The following TEX9 variants were observed in gnomAD, a reference collection of about 807,000 sequenced individuals.
The protein encoded by TEX9 is testis expressed 9, also known as testis-expressed protein 9.
A neutral mutation model predicts 59.6 loss-of-function variants in TEX9; 74 were observed. The ratio of observed to expected loss-of-function variants is 1.24; its 90% confidence interval spans 1.03 to 1.51. The LOEUF (loss-of-function observed/expected upper bound fraction) is 1.51. Among genes scored for constraint, TEX9 ranks in the 40% most tolerant of loss-of-function variants. The pLI, the probability that TEX9 is intolerant of heterozygous loss-of-function variation, is 0.00. For missense variants in TEX9, 522 were observed against 447.8 expected (o/e 1.17, Z -1.49); for synonymous variants, 186 against 152.2 (o/e 1.22, Z -1.64).
chr15:56,399,328 G>T (rs779401229), intron 9 of TEX9, among the ~76,000 whole-genome samples: 1 of 152,256 alleles, frequency 6.6e-6, no homozygotes, highest in Non-Finnish European at 1.5e-5. Context: ...GGCTTGGCGG[G>T]TCACACACCC....
intron 9 of TEX9, among the ~76,000 whole-genome samples, chr15:56,401,235 C>G (rs1477350479): frequency 1.4e-5 from 2 of 146,792 alleles, no homozygotes. Context: ...TTCAGGAGAC[C>G]CATCTCATGT....
intron 1 of TEX9, among the ~76,000 whole-genome samples, chr15:56,317,740 A>T (rs1176687846): frequency 6.6e-6 from 1 of 152,168 alleles, no homozygotes; most frequent in African/African-American, 2.4e-5. Context: ...GGTATTTCCT[A>T]ATTTCCCTTG....
At chr15:56,441,556 A>G (rs183174026) in intron 12 of TEX9, among the ~76,000 whole-genome samples, 2 of 152,338 alleles carry the variant, frequency 1.3e-5, no homozygotes, top group East Asian at 3.9e-4. Context: ...AAAATTGACA[A>G]GTGGGACCTA....
intron 5 of TEX9, among the ~76,000 whole-genome samples, chr15:56,388,752 G>T (rs1220431682): frequency 1.3e-5 from 2 of 151,952 alleles, no homozygotes; most frequent in African/African-American, 4.8e-5. Context: ...AATGTTAGGT[G>T]AAATGACTTT....
chr15:56,384,403 A>G (rs1355268462), intron 4 of TEX9, among the ~76,000 whole-genome samples: 1 of 152,168 alleles, frequency 6.6e-6, no homozygotes, highest in African/African-American at 2.4e-5. Flanking sequence ...CCAAGCCAAA[A>G]CAGACAAAAA....
At chr15:56,339,858 T>A (rs1191596417) in intron 1 of TEX9, among the ~76,000 whole-genome samples, 1 of 152,000 alleles carries the variant, frequency 6.6e-6, no homozygotes, top group Non-Finnish European at 1.5e-5. Context: ...AAAAGATGAC[T>A]GTCTCTAAAC....
the TEX9 span, among the ~76,000 whole-genome samples, chr15:56,452,799 T>C: frequency 2.0e-5 from 3 of 152,144 alleles, no homozygotes; most frequent in East Asian, 5.8e-4. Context: ...ATTACAGGCA[T>C]GAGCCACCGC....
chr15:56,423,078 T>C (rs530321106), intron 10 of TEX9, among the ~76,000 whole-genome samples: 49 of 152,276 alleles, frequency 3.2e-4, no homozygotes, highest in Non-Finnish European at 6.0e-4. Context: ...CCCAACCTTT[T>C]GGCTAGTATG....
intron 1 of TEX9, among the ~76,000 whole-genome samples, chr15:56,293,058 G>C (rs1028471517): frequency 1.3e-5 from 2 of 152,258 alleles, no homozygotes; most frequent in African/African-American, 4.8e-5. Flanking sequence ...TTCTTGGCCA[G>C]GTGCAGTGGC....
At chr15:56,445,367 A>G (rs1267049896) in intron 12 of TEX9, among the ~76,000 whole-genome samples, 1 of 152,034 alleles carries the variant, frequency 6.6e-6, no homozygotes, top group African/African-American at 2.4e-5. Flanking sequence ...AATAAGTTTT[A>G]AATGAAATAT....
At chr15:56,367,196 G>A (rs1292049383) in intron 2 of TEX9, among the ~76,000 whole-genome samples, 1 of 152,098 alleles carries the variant, frequency 6.6e-6, no homozygotes, top group Non-Finnish European at 1.5e-5. Context: ...GTATTATATG[G>A]TGGCCAGTTG....
chr15:56,327,619 G>A (rs182233335), intron 1 of TEX9, among the ~76,000 whole-genome samples: 24 of 152,264 alleles, frequency 1.6e-4, no homozygotes, highest in Admixed American at 3.9e-4. Context: ...AGACAATCTC[G>A]AACTGCCAAC....
the TEX9 span, among the ~76,000 whole-genome samples, chr15:56,453,453 A>G: frequency 6.6e-6 from 1 of 152,156 alleles, no homozygotes; most frequent in Non-Finnish European, 1.5e-5. Context: ...CAGCTTGATT[A>G]TCAGTCCAGA....
At chr15:56,375,628 C>T (rs2047403145) in intron 3 of TEX9, among the ~76,000 whole-genome samples, 1 of 152,138 alleles carries the variant, frequency 6.6e-6, no homozygotes, top group South Asian at 2.1e-4. Context: ...AAGTTTTCTT[C>T]TAGGGTTTTT....
chr15:56,391,524 T>A (rs1187067161), intron 7 of TEX9, 106 bp downstream of exon 7: 9 of 760,352 alleles, frequency 1.2e-5, no homozygotes, highest in Non-Finnish European at 1.7e-5. Flanking sequence ...TTGTGATGTC[T>A]TGGTTTGTTT....
At chr15:56,327,019 G>A (rs1453575026) in intron 1 of TEX9, among the ~76,000 whole-genome samples, 1 of 152,056 alleles carries the variant, frequency 6.6e-6, no homozygotes, top group Non-Finnish European at 1.5e-5. Context: ...AATACCACCT[G>A]TTCCCCAAAA....
At chr15:56,244,033 G>T (rs1332264581) in exon 1 of TEX9, 22 of 151,022 alleles carry the variant, frequency 1.5e-4, no homozygotes, top group African/African-American at 5.3e-4. Context: ...GCCGCTGGGG[G>T]CCGGGAGGAG....
Position 56,383,940 on chromosome 15 carries a change from T to A in TEX9, c.184-12T>A. 6.3e-7 allele frequency: 1 copy of A among 1,598,452 alleles called. No homozygotes were observed. Among genetic ancestry groups the A allele is most frequent in the Admixed American group, 1.7e-5 (1 of 57,776 alleles). The stretch of plus-strand genomic sequence containing the variant: ...TTCTATATGATATATTACCTATCTT[T>A]ACTCATTTAAGAGAGATCGGCAAGA... On this transcript the variant is annotated splice_polypyrimidine_tract_variant and intron_variant, in intron 3 of 12. Transcript: ENST00000352903.
intron 1 of TEX9, among the ~76,000 whole-genome samples, chr15:56,247,059 A>G (rs1021573300): frequency 6.6e-6 from 1 of 152,180 alleles, no homozygotes; most frequent in African/African-American, 2.4e-5. Flanking sequence ...ACTCCTGACT[A>G]TTTAATAAAT....
Sources: gnomAD v4.1 joint callset for allele counts (sites outside exome capture counted in the v4.1 genomes callset) on GRCh38, gnomAD v4.1.1 for gene constraint, MANE v1.5 for transcripts, NCBI Gene and HGNC (gene_info 2026-07-23, HGNC 2026-07-21) for gene names.